DACT3: variants seen among roughly 807,000 people sequenced by gnomAD.
DACT3 encodes dishevelled binding antagonist of beta catenin 3.
DACT3 carries 5 observed loss-of-function variants against 19.6 expected under a neutral mutation model. That is an observed-to-expected ratio of 0.26 (90% CI 0.13 to 0.54). The LOEUF (loss-of-function observed/expected upper bound fraction) is 0.54. Ranked by LOEUF, DACT3 falls within the 20% of genes least tolerant of loss-of-function variation. DACT3 has a pLI of 0.95. For synonymous variants in DACT3, 454 were observed against 428.1 expected (o/e 1.06, Z -0.75); for missense variants, 908 against 927.4 (o/e 0.98, Z 0.27).
At chr19:46,654,236 C>A (rs1349304904) in intron 1 of DACT3, 1 of 984,482 alleles carries the variant, frequency 1.0e-6, no homozygotes, top group Non-Finnish European at 1.2e-6. Flanking sequence ...CCTGTAATCC[C>A]AGCATTTTGG....
chr19:46,653,181 T>C, intron 1 of DACT3, 106 bp from the exon 2 acceptor site: 1 of 1,472,956 alleles, frequency 6.8e-7, no homozygotes, highest in South Asian at 1.3e-5. Flanking sequence ...ACAATGAGGC[T>C]CTCGCTTCAA....
At chr19:46,652,553 T>A in intron 3 of DACT3, 107 bp downstream of exon 3, 1 of 1,210,878 alleles carries the variant, frequency 8.3e-7, no homozygotes, top group South Asian at 1.4e-5. Context: ...GAAAAGGAAA[T>A]GTCACAGCTG....
chr19:46,658,270 C>T (rs1599793770), intron 1 of DACT3, among the ~76,000 whole-genome samples: 1 of 151,774 alleles, frequency 6.6e-6, no homozygotes, highest in South Asian at 2.1e-4. Context: ...CGGTGTGCAC[C>T]TGTAGTCCTA....
intron 3 of DACT3, 32 bp from the exon 4 acceptor site, chr19:46,649,904 A>T (rs905175599): frequency 7.7e-7 from 1 of 1,291,376 alleles, no homozygotes; most frequent in Non-Finnish European, 9.8e-7. Flanking sequence ...AAAAAAAAAA[A>T]GAGAGAGTGG....
chr19:46,653,311 C>T (rs965704927), intron 1 of DACT3, among the ~76,000 whole-genome samples: 1 of 152,074 alleles, frequency 6.6e-6, no homozygotes, highest in African/African-American at 2.4e-5. Context: ...CATCTCATTC[C>T]CTCTTAGGTG....
chr19:46,653,968 C>G, intron 1 of DACT3: 2 of 985,190 alleles, frequency 2.0e-6, no homozygotes, highest in Non-Finnish European at 2.4e-6. Context: ...CTCTTTCCCC[C>G]ATATGGGTAA....
At position 46,660,673 on chromosome 19, in the gene DACT3, T is replaced by G; in HGVS notation, c.249+143A>C. 3 of 1,368,460 alleles carry G rather than the reference T, an allele frequency of 2.2e-6. No individual in the cohort carries two copies. Among genetic ancestry groups the G allele is most frequent in the African/African-American group, 1.5e-5 (1 of 65,154 alleles). The allele number at this position is 1,368,460 out of a possible 1,614,324, so 84.8% of individuals were successfully genotyped here. ...GCCAGGTCCGGCCCGCCGCCGGAACTCCGGGGTCGCCAGCCCCACCCCCTG... is the reference window on the plus strand; with the variant it reads ...GCCAGGTCCGGCCCGCCGCCGGAACGCCGGGGTCGCCAGCCCCACCCCCTG... On this transcript the variant is annotated intron_variant, in intron 1 of 3. Transcript: ENST00000391916. This position sits in a 1 kb window ranked among gnomAD's most constrained non-coding sequence, Gnocchi z 4.9.
rs777897020 is a variant in DACT3 at position 46,648,437 on chromosome 19, G to A, written c.*45C>T. The A allele has an allele frequency of 1.2e-6, 2 of 1,613,140 alleles. No individual in the cohort carries two copies. The highest frequency in any genetic ancestry group is 2.2e-5 in the South Asian group (2 of 90,832). On this transcript the variant is annotated 3_prime_UTR_variant, in exon 4 of 4. Coordinates refer to ENST00000391916, the MANE Select transcript of DACT3 (RefSeq NM_145056.3). This position sits in a 1 kb window ranked among gnomAD's most constrained non-coding sequence, Gnocchi z 5.1. The stretch of plus-strand genomic sequence containing the variant: ...GGAAGGGTCAGTGGTTGGGAGTGTG[G>A]AGGTGCAGAGGCCATGAAGGGGGAG...
chr19:46,649,852 G>C lies in DACT3; in HGVS notation c.520C>G (p.Pro174Ala), dbSNP rs1209594121. The change falls in exon 4 of 4, where the codon CCG becomes GCG. Residue 174 changes from proline (P) to alanine (A), a missense_variant. Around this residue, in one of 2 missense-constraint regions of DACT3, gnomAD observed 252 missense variants for 325.6 expected, o/e 0.77. Transcript: ENST00000391916. ...KSLGDASPSA[P>A]EVVGARAAVP... ...GCTGCCCGCGCGCCCACCACCTCCG[G>C]AGCGCTGGGACTGGCGTCTCCTAGG... The C allele has an allele frequency of 1.4e-6, 2 of 1,415,094 alleles. No homozygotes were observed. The highest frequency in any genetic ancestry group is 2.9e-5 in the South Asian group (2 of 70,106). 87.7% of individuals were successfully genotyped at this position (1,415,094 alleles called of 1,614,324 possible). A position where few individuals can be genotyped will look rare whatever the true frequency, so the allele number is the denominator to read the frequency against.
At position 46,653,005 on chromosome 19, in the gene DACT3, A is replaced by G; in HGVS notation, c.320T>C (p.Leu107Pro). ...CGAGCTACGCCCGCTCTCCTGTTCC[A>G]GGCCCCCAGACTCCAGGCTCAGGTC... The part of the protein sequence containing the change: ...LGDLSLESGG[L>P]EQESGRSSGF... Residue 107 changes from leucine to proline, a missense_variant, in exon 2 of 4, where the codon CTG becomes CCG. Physicochemically the swap from Leu to Pro is moderately conservative, Grantham distance 98 (BLOSUM62 -3). Transcript: ENST00000391916. 1 of 1,551,480 alleles carries G rather than the reference A, an allele frequency of 6.4e-7. No individual in the cohort carries two copies. The highest frequency in any genetic ancestry group is 8.7e-7 in the Non-Finnish European group (1 of 1,146,996).
chr19:46,654,333 A>C, intron 1 of DACT3: 1 of 610,468 alleles, frequency 1.6e-6, no homozygotes, highest in South Asian at 7.3e-5. Context: ...TAAAAATACA[A>C]AAACTAGCGG....
rs1049339871 is a variant in DACT3 at position 46,653,058 on chromosome 19, G to A, written c.267C>T (p.Leu89=). ...LEEQLEALPG[L]VWDLGQQLGD... is the part of the protein sequence containing the mutation. ...CCAGCTGCTGTCCCAGGTCCCAGAC[G>A]AGACCAGGCAGGGCCTCCTGAAGGC... The change falls in exon 2 of 4, where the codon CTC becomes CTT. Residue 89 remains leucine (L), a synonymous_variant. Coordinates refer to ENST00000391916, the MANE Select transcript of DACT3 (RefSeq NM_145056.3). 32 of 1,551,268 alleles carry A rather than the reference G, an allele frequency of 2.1e-5. 1 individual carries two copies. Among genetic ancestry groups the A allele is most frequent in the South Asian group, 1.3e-4 (11 of 84,062 alleles).
intron 1 of DACT3, chr19:46,659,152 A>G: frequency 1.0e-6 from 1 of 984,766 alleles, no homozygotes; most frequent in Non-Finnish European, 1.2e-6. Context: ...AGAGAAGTTT[A>G]TATTTAGCGC....
At position 46,649,531 on chromosome 19, in the gene DACT3, G is replaced by T; in HGVS notation, c.841C>A (p.Arg281Ser). The T allele has an allele frequency of 9.5e-7, 1 of 1,051,846 alleles. No homozygotes were observed. The highest frequency in any genetic ancestry group is 1.1e-6 in the Non-Finnish European group (1 of 875,626). The allele number at this position is 1,051,846 out of a possible 1,614,324, so 65.2% of individuals were successfully genotyped here. ...SPGGADGGPR[R>S]QNSVRQRPPD... ...GGCCGCTGGCGCACGCTGTTCTGGC[G>T]CCGCGGGCCGCCGTCCGCGCCCCCG... Residue 281 changes from arginine (R) to serine (S), a missense_variant, in exon 4 of 4, where the codon CGC becomes AGC. By Grantham distance (110) the Arg-to-Ser change is moderately radical. This residue lies in a region of DACT3 where 656 missense variants were observed against 601.8 expected (regional missense o/e 1.09). Transcript: ENST00000391916.
chr19:46,649,050 G>A lies in DACT3; in HGVS notation c.1322C>T (p.Pro441Leu), dbSNP rs1197227255. The stretch of plus-strand genomic sequence containing the variant: ...CCGCTCCGCCGTGGGGTACTTAGGG[G>A]GCCCCGAAGGGACCGCGGAGGCGCG... ...LGRASAVPSG[P>L]PKYPTAEREE... Residue 441 changes from proline (P) to leucine (L), a missense_variant, in exon 4 of 4, where the codon CCC (proline) becomes CTC (leucine). Coordinates refer to ENST00000391916, the MANE Select transcript of DACT3 (RefSeq NM_145056.3). 1.6e-6 allele frequency: 2 copies of A among 1,282,360 alleles called. No individual in the cohort carries two copies. Among genetic ancestry groups the A allele is most frequent in the Admixed American group, 4.3e-5 (1 of 23,422 alleles). The allele number at this position is 1,282,360 out of a possible 1,614,324, so 79.4% of individuals were successfully genotyped here.
At chr19:46,655,537 A>G (rs2053026342) in intron 1 of DACT3, among the ~76,000 whole-genome samples, 1 of 152,046 alleles carries the variant, frequency 6.6e-6, no homozygotes, top group Admixed American at 6.6e-5. Flanking sequence ...TGCTTGAACC[A>G]GGGAGGCGGA....
chr19:46,659,380 G>A, intron 1 of DACT3: 1 of 967,302 alleles, frequency 1.0e-6, no homozygotes, highest in Non-Finnish European at 1.2e-6. Context: ...GGGAGAGACC[G>A]AGGGCAGAGG....
chr19:46,652,509 G>T lies in DACT3; in HGVS notation c.499+151C>A. 3.5e-6 allele frequency: 3 copies of T among 866,338 alleles called. No individual in the cohort carries two copies. The South Asian group carries it at 5.7e-5, about 16-fold the overall frequency. 53.7% of individuals were successfully genotyped at this position (866,338 alleles called of 1,614,324 possible). A position where few individuals can be genotyped will look rare whatever the true frequency, so the allele number is the denominator to read the frequency against. ...TCATTTTAACAGATGGAAAAACAGA[G>T]ACCCAGAAATAAGAGACCTGCTCAT... On this transcript the variant is annotated intron_variant, in intron 3 of 3. Coordinates refer to ENST00000391916, the MANE Select transcript of DACT3 (RefSeq NM_145056.3).
chr19:46,649,284 G>GA lies in DACT3; in HGVS notation c.1087_1088insT (p.Ala363ValfsTer65). On this transcript the variant is annotated frameshift_variant, in exon 4 of 4. Coordinates refer to ENST00000391916, the MANE Select transcript of DACT3 (RefSeq NM_145056.3). LOFTEE classifies it low-confidence loss of function (END_TRUNC). ...AGGGAGGCCTCGGGTGGCCGCCTGC[G>GA]CGCCCGGGATGTACTGCGCCTTCAC... The GA allele has an allele frequency of 8.2e-7, 1 of 1,212,958 alleles. No homozygotes were observed. The allele number at this position is 1,212,958 out of a possible 1,614,324, so 75.1% of individuals were successfully genotyped here.
Sources: gnomAD v4.1 joint callset for allele counts (sites outside exome capture counted in the v4.1 genomes callset) on GRCh38, gnomAD v4.1.1 for gene constraint, gnomAD v4.1.1 regional missense constraint, Gnocchi (gnomAD v3.1) non-coding constraint, MANE v1.5 for transcripts, NCBI Gene and HGNC (gene_info 2026-07-23, HGNC 2026-07-21) for gene names.